The following EEF1G variants were observed in gnomAD, a reference collection of about 807,000 sequenced individuals.
EEF1G encodes the protein elongation factor 1-gamma.
EEF1G carries 14 observed loss-of-function variants against 58.3 expected under a neutral mutation model. That is an observed-to-expected ratio of 0.24 (90% CI 0.16 to 0.38). EEF1G has a LOEUF of 0.38. Ranked by LOEUF, EEF1G falls within the 10% of genes least tolerant of loss-of-function variation. EEF1G has a pLI of 1.00. For missense variants in EEF1G, 322 were observed against 550.1 expected, an observed-to-expected ratio of 0.59 and a Z score of 4.15; for synonymous variants, 180 against 206.8, an observed-to-expected ratio of 0.87 and a Z score of 1.11.
At chr11:62,562,964 G>A (rs1386702813) in intron 7 of EEF1G, among the ~76,000 whole-genome samples, 1 of 151,832 alleles carries the variant, frequency 6.6e-6, no homozygotes, top group Non-Finnish European at 1.5e-5. Flanking sequence ...TTAGCTGGGA[G>A]CTGGGCACCA....
rs967061153 is a variant in EEF1G at position 62,573,090 on chromosome 11, G to A, written c.13-348C>T. 8 of 171,434 alleles carry A rather than the reference G, an allele frequency of 4.7e-5. No homozygotes were observed. In the East Asian group the frequency reaches 1.1e-3, roughly 24 times the overall value. 10.6% of individuals were successfully genotyped at this position (171,434 alleles called of 1,614,324 possible). The stretch of plus-strand genomic sequence containing the variant: ...AAACATACTCTCCTCCCTTCCCGGA[G>A]CCCTCGCTTCATTCATTGATGGTTC... On this transcript the variant is annotated intron_variant, in intron 1 of 9. Transcript: ENST00000329251.
intron 7 of EEF1G, among the ~76,000 whole-genome samples, chr11:62,564,860 G>A (rs755905301): frequency 6.6e-5 from 10 of 150,392 alleles, no homozygotes; most frequent in Non-Finnish European, 1.3e-4. Context: ...GAGGTCAAGA[G>A]ATTGAGACCA....
chr11:62,569,389 G>A (rs996224721), intron 5 of EEF1G, among the ~76,000 whole-genome samples: 2 of 151,850 alleles, frequency 1.3e-5, no homozygotes, highest in Non-Finnish European at 2.9e-5. Context: ...CAGGAGAATC[G>A]CTTGAACCTG....
intron 1 of EEF1G, 148 bp downstream of exon 1, chr11:62,573,683 G>C (rs1004941545): frequency 1.7e-6 from 2 of 1,169,956 alleles, no homozygotes; most frequent in Non-Finnish European, 2.5e-6. Context: ...CCAGGCCCTA[G>C]GAACCCTACT....
At chr11:62,560,245 A>G in intron 8 of EEF1G, 37 bp downstream of exon 8, 1 of 1,613,910 alleles carries the variant, frequency 6.2e-7, no homozygotes, top group Non-Finnish European at 8.5e-7. Flanking sequence ...CACTTGCTAC[A>G]CCTTGTTCTC....
intron 7 of EEF1G, among the ~76,000 whole-genome samples, chr11:62,563,503 G>A (rs1182209717): frequency 6.6e-6 from 1 of 152,182 alleles, no homozygotes; most frequent in Non-Finnish European, 1.5e-5. Context: ...AGGACCACCT[G>A]AGATCAGGAG....
intron 4 of EEF1G, 118 bp from the exon 5 acceptor site, chr11:62,571,226 C>T: frequency 6.8e-7 from 1 of 1,477,992 alleles, no homozygotes; most frequent in South Asian, 1.2e-5. Flanking sequence ...CCCTCACTCT[C>T]TTTCAATGGA....
chr11:62,573,841 ATGG>A lies in EEF1G; in HGVS notation c.-2_1del. 6.2e-7 allele frequency: 1 copy of A among 1,613,728 alleles called. No individual in the cohort carries two copies. The highest frequency in any genetic ancestry group is 8.5e-7 in the Non-Finnish European group (1 of 1,179,822). The stretch of plus-strand genomic sequence containing the variant: ...AGCCAGCAAACTTACCCCAGCCGCC[ATGG>A]TGATTCCGCAAAGAAAGGGGGTGGG... On this transcript the variant is annotated start_lost and start_retained_variant and 5_prime_UTR_variant, in exon 1 of 10. Coordinates refer to ENST00000329251, the MANE Select transcript of EEF1G (RefSeq NM_001404.5).
intron 7 of EEF1G, among the ~76,000 whole-genome samples, chr11:62,561,678 A>C (rs559035099): frequency 0.037 from 1,011 of 27,196 alleles, 16 homozygotes; most frequent in South Asian, 0.063. Flanking sequence ...AAACAAAAAA[A>C]AAACAAAAAA....
intron 7 of EEF1G, among the ~76,000 whole-genome samples, chr11:62,565,096 C>A (rs1234568317): frequency 6.6e-6 from 1 of 150,826 alleles, no homozygotes; most frequent in Non-Finnish European, 1.5e-5. Flanking sequence ...CAAAAAAAAA[C>A]AAAAAACACA....
chr11:62,571,409 T>C, intron 4 of EEF1G, 131 bp downstream of exon 4: 2 of 1,379,254 alleles, frequency 1.5e-6, no homozygotes, highest in Non-Finnish European at 1.9e-6. Context: ...ACTCGTACCC[T>C]AGAGATTACG....
Position 62,571,594 on chromosome 11 carries a change from G to T in EEF1G, c.324C>A (p.Pro108=). ...WVSFADSDIV[P]PASTWVFPTL... ...TGGGGAACACCCAGGTACTGGCTGG[G>T]GGCACTATATCGGAATCAGCAAAGC... Residue 108 remains proline, a synonymous_variant, in exon 4 of 10, where the codon CCC becomes CCA. Coordinates refer to ENST00000329251, the MANE Select transcript of EEF1G (RefSeq NM_001404.5). 1 of 1,592,312 alleles carries T rather than the reference G, an allele frequency of 6.3e-7. No individual in the cohort carries two copies. The highest frequency in any genetic ancestry group is 8.6e-7 in the Non-Finnish European group (1 of 1,169,184).
chr11:62,566,694 AC>A (rs1202394329), intron 7 of EEF1G, 111 bp downstream of exon 7: 1 of 1,025,140 alleles, frequency 9.8e-7, no homozygotes, highest in Non-Finnish European at 1.4e-6. Flanking sequence ...TATACCTTTA[AC>A]TTTATATGGA....
intron 7 of EEF1G, among the ~76,000 whole-genome samples, chr11:62,566,380 CA>C (rs1016724345): frequency 2.8e-4 from 42 of 152,206 alleles, no homozygotes; most frequent in African/African-American, 9.9e-4. Flanking sequence ...GAAAACAAAA[CA>C]ATTCAAAGGA....
chr11:62,564,244 C>A (rs1045335672), intron 7 of EEF1G, among the ~76,000 whole-genome samples: 9 of 152,174 alleles, frequency 5.9e-5, no homozygotes, highest in Admixed American at 5.9e-4. Context: ...AGGCGGATTG[C>A]CTGAGGTCAG....
chr11:62,573,507 A>C, intron 1 of EEF1G: 1 of 493,334 alleles, frequency 2.0e-6, no homozygotes, highest in Non-Finnish European at 3.7e-6. Context: ...TACTCCACAA[A>C]ACGGACACAG....
intron 1 of EEF1G, 104 bp from the exon 2 acceptor site, chr11:62,572,846 A>G (rs1237801091): frequency 4.5e-6 from 5 of 1,104,292 alleles, no homozygotes; most frequent in African/African-American, 3.2e-5. Flanking sequence ...TATTCAACTC[A>G]CCCTTTTACT....
In EEF1G at chr11:62,571,692, C is replaced by G. The variant is rs758480536; in HGVS notation, c.236-10G>C. 1 of 1,583,874 alleles carries G rather than the reference C, an allele frequency of 6.3e-7. No individual in the cohort carries two copies. Among genetic ancestry groups the G allele is most frequent in the Non-Finnish European group, 8.6e-7 (1 of 1,165,174 alleles). ...AGCTCCTCATTGCTCACTGCAGAGG[C>G]AGAACACGAAGGTCAGAACTCTGGG... On this transcript the variant is annotated splice_polypyrimidine_tract_variant and intron_variant, in intron 3 of 9. Transcript: ENST00000329251.
At chr11:62,572,306 A>G (rs1039600439) in intron 2 of EEF1G, among the ~76,000 whole-genome samples, 53 of 152,340 alleles carry the variant, frequency 3.5e-4, no homozygotes, top group African/African-American at 1.3e-3. Flanking sequence ...AATTCTGCTC[A>G]TAACAGATAT....
Sources: gnomAD v4.1 joint callset for allele counts (sites outside exome capture counted in the v4.1 genomes callset) on GRCh38, gnomAD v4.1.1 for gene constraint, MANE v1.5 for transcripts, NCBI Gene and HGNC (gene_info 2026-07-23, HGNC 2026-07-21) for gene names.